The following RAB6B variants were observed in gnomAD, a reference collection of about 807,000 sequenced individuals.
RAB6B encodes the protein RAB6B, member RAS oncogene family, also known as ras-related protein Rab-6B.
In RAB6B, 7 loss-of-function variants were observed where a neutral mutation model predicts 31.2. The observed-to-expected ratio is 0.22, with a 90% CI of 0.13 to 0.42. RAB6B has a LOEUF of 0.42. Among genes scored for constraint, RAB6B ranks in the 10% least tolerant of loss-of-function variants. The probability of loss-of-function intolerance (pLI) is 1.00; values close to 1 mark genes in which losing one functional copy is unlikely to be tolerated. For synonymous variants in RAB6B, 105 were observed against 104.9 expected (o/e 1.00, Z -0.01); for missense variants, 149 against 280.6 (o/e 0.53, Z 3.35).
chr3:133,848,659 A>G lies in RAB6B; in HGVS notation c.130-6996T>C, dbSNP rs183763057. Among the ~76,000 whole-genome samples, 263 of 152,264 alleles carry G rather than the reference A, an allele frequency of 1.7e-3. 2 individuals carry two copies. Among genetic ancestry groups the G allele is most frequent in the Non-Finnish European group, 5.9e-4 (40 of 68,020 alleles). On this transcript the variant is annotated intron_variant, in intron 2 of 7. Coordinates refer to ENST00000285208, the MANE Select transcript of RAB6B (RefSeq NM_016577.4). ...ACACAACAGAGAGAAAAAGGGGCCC[A>G]AACTCCGATGGTACCACCCACTCCT...
chr3:133,863,724 C>T (rs957662313), intron 2 of RAB6B, among the ~76,000 whole-genome samples: 2 of 152,278 alleles, frequency 1.3e-5, no homozygotes, highest in Non-Finnish European at 2.9e-5. Flanking sequence ...CACCTACCAA[C>T]ACCTCTTGGA....
rs1464454040 is a variant in RAB6B, at chr3:133,895,817, C to G, written c.-351G>C. The G allele has an allele frequency of 1.5e-5, 4 of 272,400 alleles. No individual in the cohort carries two copies. The highest frequency in any genetic ancestry group is 1.1e-4 in the South Asian group (1 of 9,148). 16.9% of individuals were successfully genotyped at this position (272,400 alleles called of 1,614,324 possible). ...AGGGACGGCGCGCGGGGCGGAGGAG[C>G]GCTCTCCAGAGCCGCGCCAGTCGGC... On this transcript the variant is annotated 5_prime_UTR_variant, in exon 1 of 8. Coordinates refer to ENST00000285208, the MANE Select transcript of RAB6B (RefSeq NM_016577.4).
intron 2 of RAB6B, among the ~76,000 whole-genome samples, chr3:133,848,709 T>C (rs773891764): frequency 1.3e-5 from 2 of 151,232 alleles, no homozygotes; most frequent in Non-Finnish European, 2.9e-5. Flanking sequence ...AATCCATTCA[T>C]GAGGGTGAAG....
At chr3:133,843,013 T>A (rs138544721) in intron 2 of RAB6B, among the ~76,000 whole-genome samples, 99 of 152,304 alleles carry the variant, frequency 6.5e-4, no homozygotes, top group Non-Finnish European at 1.2e-3. Context: ...AATGCAAAGG[T>A]ATGCACCAAT....
intron 7 of RAB6B, among the ~76,000 whole-genome samples, chr3:133,833,736 G>A (rs897482063): frequency 2.0e-5 from 3 of 152,226 alleles, no homozygotes; most frequent in Non-Finnish European, 4.4e-5. Flanking sequence ...GAGCTGCTGT[G>A]TAGGGACAGG....
intron 2 of RAB6B, among the ~76,000 whole-genome samples, chr3:133,862,703 C>T (rs1936181307): frequency 6.6e-6 from 1 of 152,098 alleles, no homozygotes; most frequent in Non-Finnish European, 1.5e-5. Flanking sequence ...GGAGACGACG[C>T]TGAACATGGA....
chr3:133,847,123 T>C (rs1935917616), intron 2 of RAB6B, among the ~76,000 whole-genome samples: 1 of 152,272 alleles, frequency 6.6e-6, no homozygotes, highest in East Asian at 1.9e-4. Context: ...CTCAGCACTT[T>C]ATCATTTCCC....
At chr3:133,858,404 T>G (rs1266827096) in intron 2 of RAB6B, among the ~76,000 whole-genome samples, 2 of 152,234 alleles carry the variant, frequency 1.3e-5, no homozygotes, top group Non-Finnish European at 2.9e-5. Flanking sequence ...CATAACAAAG[T>G]ACCACAGACT....
Position 133,827,265 on chromosome 3 carries a change from A to G in RAB6B, c.*1523T>C, listed in dbSNP as rs1935579506. The G allele has an allele frequency of 6.6e-6, 1 of 152,228 alleles. No homozygotes were observed. Among genetic ancestry groups the G allele is most frequent in the African/African-American group, 2.4e-5 (1 of 41,454 alleles). 9.4% of individuals were successfully genotyped at this position (152,228 alleles called of 1,614,324 possible). ...CATACCCCAGATGGTCATTCATCCC[A>G]TCTATGACATGCCCAGCAGCAGCCT... is the stretch of plus-strand genomic sequence containing the variant. On this transcript the variant is annotated 3_prime_UTR_variant, in exon 8 of 8. Coordinates refer to ENST00000285208, the MANE Select transcript of RAB6B (RefSeq NM_016577.4).
At chr3:133,830,838 T>A (rs1345626943) in intron 7 of RAB6B, among the ~76,000 whole-genome samples, 1 of 152,208 alleles carries the variant, frequency 6.6e-6, no homozygotes, top group African/African-American at 2.4e-5. Flanking sequence ...AATTCCTTGT[T>A]ATGAGGGCGT....
chr3:133,854,745 C>A (rs1936050991), intron 2 of RAB6B, among the ~76,000 whole-genome samples: 1 of 152,198 alleles, frequency 6.6e-6, no homozygotes, highest in Non-Finnish European at 1.5e-5. Context: ...ACATACAGTG[C>A]AGAATGACAG....
intron 2 of RAB6B, among the ~76,000 whole-genome samples, chr3:133,857,366 G>C (rs903637239): frequency 2.6e-5 from 4 of 151,212 alleles, no homozygotes; most frequent in Non-Finnish European, 4.4e-5. Flanking sequence ...AGCTCGGCCA[G>C]GGTCTCCCAG....
chr3:133,827,757 CCCCCG>C lies in RAB6B; in HGVS notation c.*1026_*1030del. ...GTTCTGCAGACAACACCCCCCCCCC[CCCCCG>C]CCTCCCCATCACAGAGGATCAACTC... is the stretch of plus-strand genomic sequence containing the variant. On this transcript the variant is annotated 3_prime_UTR_variant, in exon 8 of 8. Transcript: ENST00000285208. 19 of 106,108 alleles carry C rather than the reference CCCCCG, an allele frequency of 1.8e-4. No homozygotes were observed. The South Asian group carries it at 2.0e-3, about 11-fold the overall frequency. 6.6% of individuals were successfully genotyped at this position (106,108 alleles called of 1,614,324 possible). A position where few individuals can be genotyped will look rare whatever the true frequency, so the allele number is the denominator to read the frequency against.
intron 1 of RAB6B, among the ~76,000 whole-genome samples, chr3:133,888,032 C>A (rs1461083724): frequency 6.6e-6 from 1 of 152,204 alleles, no homozygotes; most frequent in East Asian, 1.9e-4. Context: ...TCCTCTTTAG[C>A]AAAGAGCTTG....
At position 133,828,436 on chromosome 3, in the gene RAB6B, C is replaced by T. The variant is rs1935606345; in HGVS notation, c.*352G>A. 2.6e-6 allele frequency: 1 copy of T among 380,266 alleles called. No individual in the cohort carries two copies. The highest frequency in any genetic ancestry group is 4.7e-6 in the Non-Finnish European group (1 of 210,912). 23.6% of individuals were successfully genotyped at this position (380,266 alleles called of 1,614,324 possible). ...GGTTCTCTATAAGTTTACAAATATA[C>T]AAAAACAAAAAGCACATCTTTCAAA... On this transcript the variant is annotated 3_prime_UTR_variant, in exon 8 of 8. Coordinates refer to ENST00000285208, the MANE Select transcript of RAB6B (RefSeq NM_016577.4).
intron 2 of RAB6B, among the ~76,000 whole-genome samples, chr3:133,848,484 A>T (rs955508003): frequency 1.3e-5 from 2 of 152,242 alleles, no homozygotes; most frequent in Non-Finnish European, 2.9e-5. Context: ...CTGCTGCTGT[A>T]ACAGAATCAC....
chr3:133,831,872 C>T (rs1319230611), intron 7 of RAB6B, among the ~76,000 whole-genome samples: 1 of 152,196 alleles, frequency 6.6e-6, no homozygotes, highest in Non-Finnish European at 1.5e-5. Context: ...AAACTTACCC[C>T]CTACTGCTGG....
chr3:133,842,148 G>A (rs1935845720), intron 2 of RAB6B, among the ~76,000 whole-genome samples: 1 of 152,260 alleles, frequency 6.6e-6, no homozygotes. Context: ...CTGTGTGGGT[G>A]CAAACAGCAG....
At chr3:133,852,650 T>C (rs1423676669) in intron 2 of RAB6B, among the ~76,000 whole-genome samples, 2 of 150,420 alleles carry the variant, frequency 1.3e-5, no homozygotes, top group East Asian at 3.9e-4. Flanking sequence ...AAAAAAACAA[T>C]TTTCTTTTGT....
Sources: gnomAD v4.1 joint callset for allele counts (sites outside exome capture counted in the v4.1 genomes callset) on GRCh38, gnomAD v4.1.1 for gene constraint, MANE v1.5 for transcripts, NCBI Gene and HGNC (gene_info 2026-07-23, HGNC 2026-07-21) for gene names.